PDE9A: variants seen among roughly 807,000 people sequenced by gnomAD.
PDE9A encodes the protein phosphodiesterase 9A, also known as high affinity cGMP-specific 3',5'-cyclic phosphodiesterase 9A.
Under a neutral mutation model 87.4 loss-of-function variants are expected in PDE9A, and 60 were observed. The ratio of observed to expected loss-of-function variants is 0.69; its 90% CI spans 0.56 to 0.85. PDE9A has a LOEUF of 0.85. Ranked by LOEUF, PDE9A falls within the 40% of genes least tolerant of loss-of-function variation. The pLI is 0.00. For synonymous variants in PDE9A, 272 were observed against 279.4 expected, an observed-to-expected ratio of 0.97 and a Z score of 0.27; for missense variants, 665 against 779.0, an observed-to-expected ratio of 0.85 and a Z score of 1.74.
intron 7 of PDE9A, among the ~76,000 whole-genome samples, chr21:42,740,704 G>GTAGATAGATAGATAGAT (rs1555934633): frequency 7.5e-6 from 1 of 133,346 alleles, no homozygotes; most frequent in African/African-American, 2.9e-5. Flanking sequence ...TAGGTAGGTA[G>GTAGATAGATAGATAGAT]TAGATAGATA....
chr21:42,692,208 T>G lies in PDE9A; in HGVS notation c.218+4214T>G, dbSNP rs539179540. ...ATGAGTTGGGGACGGAGTGAACCAG[T>G]CCAGCTCGTGCGTGCCTCCCCCTCT... On this transcript the variant is annotated intron_variant, in intron 3 of 19. Transcript: ENST00000291539. This position sits in a 1 kb window ranked among gnomAD's most constrained non-coding sequence, Gnocchi z 4.3. Among the ~76,000 whole-genome samples the G allele has an allele frequency of 6.6e-6, 1 of 152,286 alleles. No homozygotes were observed. Among genetic ancestry groups the G allele is most frequent in the Admixed American group, 6.5e-5 (1 of 15,292 alleles).
chr21:42,750,532 T>TTA (rs60562125), intron 8 of PDE9A, among the ~76,000 whole-genome samples: 104,875 of 150,422 alleles, frequency 0.7, 36,906 homozygotes, highest in East Asian at 0.86. Context: ...TGAAAACAGC[T>TTA]TCTAAAAGAG....
rs752662237 is a variant in PDE9A at position 42,653,839 on chromosome 21, C to G, written c.25C>G (p.Arg9Gly). 6.4e-7 allele frequency: 1 copy of G among 1,568,544 alleles called. No homozygotes were observed. Among genetic ancestry groups the G allele is most frequent in the Non-Finnish European group, 8.6e-7 (1 of 1,158,380 alleles). MGSGSSSYRPKAIYLDIDG... is the reference protein window; with the variant it reads MGSGSSSYGPKAIYLDIDG... ...GATGGGATCCGGCTCCTCCAGCTAC[C>G]GGCCCAAGGCCATCTACCTGGACAT... The change falls in exon 1 of 20, where the codon CGG becomes GGG. Residue 9 changes from arginine to glycine, a missense_variant. Arg to Gly is a moderately radical substitution (Grantham distance 125). Transcript: ENST00000291539.
intron 1 of PDE9A, among the ~76,000 whole-genome samples, chr21:42,669,695 C>T (rs60740537): frequency 0.035 from 5,302 of 152,258 alleles, 295 homozygotes; most frequent in African/African-American, 0.12. Flanking sequence ...TCAGTTTCAA[C>T]ATCAGTGACA....
At chr21:42,748,072 A>T (rs1278015466) in intron 8 of PDE9A, among the ~76,000 whole-genome samples, 1 of 152,194 alleles carries the variant, frequency 6.6e-6, no homozygotes, top group East Asian at 1.9e-4. Context: ...AAACAGCGGG[A>T]TTCGAACAGT....
chr21:42,655,921 C>G (rs1281253864), intron 1 of PDE9A, among the ~76,000 whole-genome samples: 1 of 151,674 alleles, frequency 6.6e-6, no homozygotes, highest in Non-Finnish European at 1.5e-5. Flanking sequence ...GACTGTGAGT[C>G]CTGGTTGAAG....
chr21:42,770,295 C>T (rs1427990307), intron 17 of PDE9A, among the ~76,000 whole-genome samples: 1 of 152,166 alleles, frequency 6.6e-6, no homozygotes, highest in Non-Finnish European at 1.5e-5. Flanking sequence ...AGCCTCACAC[C>T]CTCCGACCTT....
chr21:42,690,016 G>A lies in PDE9A; in HGVS notation c.218+2022G>A, dbSNP rs1281604188. On this transcript the variant is annotated intron_variant, in intron 3 of 19. Coordinates refer to ENST00000291539, the MANE Select transcript of PDE9A (RefSeq NM_002606.3). ...GAGACACACGCGGATGAGGATACAG[G>A]TGAAGAAGGTGGAGACAGACGCGGA... The A allele has an allele frequency of 1.4e-5, 14 of 985,264 alleles. No homozygotes were observed. In the African/African-American group the frequency reaches 2.4e-4, roughly 17 times the overall value. The allele number at this position is 985,264 out of a possible 1,614,324, so 61.0% of individuals were successfully genotyped here.
At chr21:42,658,142 G>A (rs2057230159) in intron 1 of PDE9A, among the ~76,000 whole-genome samples, 1 of 152,154 alleles carries the variant, frequency 6.6e-6, no homozygotes, top group Admixed American at 6.5e-5. Context: ...GCAGCTGGTG[G>A]GGTCTGCCCA....
At chr21:42,663,014 C>T (rs1337047442) in intron 1 of PDE9A, among the ~76,000 whole-genome samples, 2 of 149,968 alleles carry the variant, frequency 1.3e-5, no homozygotes, top group African/African-American at 2.5e-5. Flanking sequence ...GCACACCACA[C>T]ACACGCACAT....
intron 4 of PDE9A, among the ~76,000 whole-genome samples, chr21:42,709,193 A>T (rs2049083023): frequency 6.6e-6 from 1 of 152,206 alleles, no homozygotes; most frequent in South Asian, 2.1e-4. Context: ...TCAGCAAATT[A>T]ATGCAGGAAC....
At chr21:42,674,947 T>G (rs2058764207) in intron 1 of PDE9A, among the ~76,000 whole-genome samples, 1 of 152,252 alleles carries the variant, frequency 6.6e-6, no homozygotes, top group Non-Finnish European at 1.5e-5. Context: ...ACTTTTTTAT[T>G]GGTTATAAAA....
chr21:42,707,897 A>T (rs1021994049), intron 4 of PDE9A, among the ~76,000 whole-genome samples: 1 of 152,210 alleles, frequency 6.6e-6, no homozygotes, highest in African/African-American at 2.4e-5. Flanking sequence ...GGTTGTTATC[A>T]TTGAAAATGA....
Position 42,704,433 on chromosome 21 carries a change from AAC to A in PDE9A, c.262+5458_262+5459del, listed in dbSNP as rs34581078. Among the ~76,000 whole-genome samples, 295 of 136,890 alleles carry A rather than the reference AAC, an allele frequency of 2.2e-3. No individual in the cohort carries two copies. Among genetic ancestry groups the A allele is most frequent in the South Asian group, 4.9e-3 (20 of 4,118 alleles). 89.8% of individuals were successfully genotyped at this position (136,890 alleles called of 152,430 possible). On this transcript the variant is annotated intron_variant, in intron 4 of 19. Transcript: ENST00000291539. This position sits in a 1 kb window ranked among gnomAD's most constrained non-coding sequence, Gnocchi z 5.3. ...CAGGTAGACCCCCCCCACCCCACCA[AAC>A]ACACACACACACACACACACACACA...
intron 1 of PDE9A, among the ~76,000 whole-genome samples, chr21:42,669,028 C>T (rs118186031): frequency 0.012 from 1,825 of 152,220 alleles, 17 homozygotes; most frequent in Non-Finnish European, 0.021. Context: ...CCATTGCATA[C>T]ACGCGCTGAG....
chr21:42,686,311 G>A, intron 2 of PDE9A, 49 bp downstream of exon 2: 4 of 1,485,590 alleles, frequency 2.7e-6, no homozygotes, highest in African/African-American at 1.4e-5. Flanking sequence ...CGGCCTCCTC[G>A]CCTTTTCGGG....
At chr21:42,657,738 G>A (rs1445765306) in intron 1 of PDE9A, among the ~76,000 whole-genome samples, 1 of 152,236 alleles carries the variant, frequency 6.6e-6, no homozygotes, top group African/African-American at 2.4e-5. Context: ...GTGGTGAGGA[G>A]CCACATCTGG....
chr21:42,668,292 G>T (rs1291275731), intron 1 of PDE9A, among the ~76,000 whole-genome samples: 1 of 152,176 alleles, frequency 6.6e-6, no homozygotes, highest in East Asian at 1.9e-4. Context: ...CCAGGGAAGG[G>T]TTGCATTAGC....
chr21:42,654,048 G>A (rs1326511445), intron 1 of PDE9A, among the ~76,000 whole-genome samples, 165 bp downstream of exon 1: 1 of 151,014 alleles, frequency 6.6e-6, no homozygotes, highest in African/African-American at 2.4e-5. Flanking sequence ...CCGGCTCCCC[G>A]GGGAAAGGGG....
Sources: allele counts gnomAD v4.1 joint callset (sites outside exome capture counted in the v4.1 genomes callset), GRCh38; gene constraint gnomAD v4.1.1; non-coding constraint Gnocchi (gnomAD v3.1); transcripts MANE v1.5; gene names NCBI Gene and HGNC (gene_info 2026-07-23, HGNC 2026-07-21).